Variants in TMTC2 observed in about 807,000 individuals in gnomAD.
The protein encoded by TMTC2 is transmembrane O-mannosyltransferase targeting cadherins 2, also known as protein O-mannosyl-transferase TMTC2.
A neutral mutation model predicts 82.4 loss-of-function variants in TMTC2; 43 were observed. The observed-to-expected ratio is 0.52, with a 90% CI of 0.41 to 0.67. The LOEUF (loss-of-function observed/expected upper bound fraction) is 0.67, where lower values mean the gene tolerates loss of function less well. Among genes scored for constraint, TMTC2 ranks in the 30% least tolerant of loss-of-function variants. The probability of loss-of-function intolerance (pLI) is 0.00; values close to 1 mark genes in which losing one functional copy is unlikely to be tolerated. For missense variants in TMTC2, 919 were observed against 1,012.4 expected (o/e 0.91, Z 1.25); for synonymous variants, 408 against 381.9 (o/e 1.07, Z -0.80).
intron 1 of TMTC2, among the ~76,000 whole-genome samples, chr12:82,694,792 A>G (rs1180747158): frequency 1.3e-5 from 2 of 152,150 alleles, no homozygotes; most frequent in Non-Finnish European, 2.9e-5. Context: ...AGTTAAAAAA[A>G]AAAACTGGTT....
intron 4 of TMTC2, among the ~76,000 whole-genome samples, chr12:82,933,830 T>G (rs997534932): frequency 3.1e-5 from 4 of 129,892 alleles, no homozygotes; most frequent in Non-Finnish European, 5.1e-5. Flanking sequence ...TTGGAAAATA[T>G]AAAGTAAGCA....
At chr12:82,704,637 CTT>C (rs374339612) in intron 1 of TMTC2, among the ~76,000 whole-genome samples, 3 of 141,738 alleles carry the variant, frequency 2.1e-5, no homozygotes, top group Admixed American at 7.1e-5. Context: ...ACTAATGAAT[CTT>C]TTTTTTTTTT....
intron 7 of TMTC2, among the ~76,000 whole-genome samples, chr12:82,980,676 G>A (rs1017282769): frequency 6.6e-6 from 1 of 151,768 alleles, no homozygotes; most frequent in Non-Finnish European, 1.5e-5. Flanking sequence ...AGCTTGTCTG[G>A]CAGCTTTTTA....
At chr12:82,817,550 G>A (rs1203535877) in intron 1 of TMTC2, among the ~76,000 whole-genome samples, 1 of 151,308 alleles carries the variant, frequency 6.6e-6, no homozygotes, top group Non-Finnish European at 1.5e-5. Context: ...GGAATAAAAG[G>A]ATCACTTTGT....
chr12:82,978,548 A>T (rs960870723), intron 7 of TMTC2, among the ~76,000 whole-genome samples: 3 of 151,784 alleles, frequency 2.0e-5, no homozygotes, highest in African/African-American at 7.2e-5. Context: ...GTGATCAGAG[A>T]ATATACTTGA....
At chr12:82,770,870 G>T (rs575196311) in intron 1 of TMTC2, among the ~76,000 whole-genome samples, 2 of 152,122 alleles carry the variant, frequency 1.3e-5, no homozygotes, top group Non-Finnish European at 2.9e-5. Flanking sequence ...CACAGAGCAA[G>T]TACCAAATGT....
At chr12:82,938,955 T>C (rs779576059) in intron 4 of TMTC2, among the ~76,000 whole-genome samples, 5 of 152,200 alleles carry the variant, frequency 3.3e-5, no homozygotes, top group African/African-American at 7.2e-5. Context: ...CCCCTGCATA[T>C]ATGAATCATT....
At chr12:82,953,176 T>C (rs1011784121) in intron 4 of TMTC2, among the ~76,000 whole-genome samples, 8 of 152,168 alleles carry the variant, frequency 5.3e-5, no homozygotes, top group African/African-American at 1.9e-4. Flanking sequence ...AGTGCGCTCC[T>C]TTCAGGTGAT....
chr12:82,990,396 T>C (rs1367284721), intron 8 of TMTC2, among the ~76,000 whole-genome samples: 1 of 152,308 alleles, frequency 6.6e-6, no homozygotes, highest in East Asian at 1.9e-4. Context: ...TTACAGAATT[T>C]AGAAAAGTTC....
chr12:82,825,677 A>G (rs1007037607), intron 1 of TMTC2, among the ~76,000 whole-genome samples: 1 of 152,234 alleles, frequency 6.6e-6, no homozygotes, highest in Admixed American at 6.5e-5. Flanking sequence ...ATGTATTTAC[A>G]TATGCCATAT....
At chr12:82,870,572 C>G (rs1258992063) in intron 2 of TMTC2, among the ~76,000 whole-genome samples, 2 of 152,192 alleles carry the variant, frequency 1.3e-5, no homozygotes, top group Non-Finnish European at 2.9e-5. Flanking sequence ...TGCACAAACT[C>G]AGGAGCAAAA....
chr12:82,882,027 T>C (rs938011412), intron 2 of TMTC2, among the ~76,000 whole-genome samples: 7 of 122,576 alleles, frequency 5.7e-5, no homozygotes, highest in Non-Finnish European at 1.1e-4. Context: ...TGAGACGGAG[T>C]CTCTCTCTGT....
intron 10 of TMTC2, among the ~76,000 whole-genome samples, chr12:83,060,583 C>G (rs980191833): frequency 2.0e-5 from 3 of 151,692 alleles, no homozygotes; most frequent in Non-Finnish European, 4.4e-5. Flanking sequence ...ATTGTCACAT[C>G]ATAGATATGC....
intron 10 of TMTC2, among the ~76,000 whole-genome samples, chr12:83,056,082 A>G (rs1328655805): frequency 2.6e-5 from 4 of 152,118 alleles, no homozygotes; most frequent in Non-Finnish European, 5.9e-5. Flanking sequence ...CAATTTACAG[A>G]GTAACAGATT....
At chr12:83,013,689 G>A (rs748022215) in intron 8 of TMTC2, among the ~76,000 whole-genome samples, 6 of 152,170 alleles carry the variant, frequency 3.9e-5, no homozygotes, top group Non-Finnish European at 8.8e-5. Flanking sequence ...ATAGTATTTT[G>A]AGTAACCTAA....
At chr12:83,099,221 G>C (rs976621192) in intron 11 of TMTC2, among the ~76,000 whole-genome samples, 4 of 152,228 alleles carry the variant, frequency 2.6e-5, no homozygotes, top group East Asian at 1.9e-4. Context: ...CTAACTTCTT[G>C]ATTAAAAGCC....
intron 3 of TMTC2, among the ~76,000 whole-genome samples, chr12:82,916,925 A>G (rs1875035160): frequency 1.3e-5 from 2 of 152,228 alleles, no homozygotes; most frequent in Non-Finnish European, 2.9e-5. Flanking sequence ...TGATCTTTAA[A>G]TCATAGCCAC....
At chr12:82,958,105 G>C (rs951460815) in intron 4 of TMTC2, among the ~76,000 whole-genome samples, 1 of 152,078 alleles carries the variant, frequency 6.6e-6, no homozygotes, top group Non-Finnish European at 1.5e-5. Flanking sequence ...GCTCATGCCT[G>C]TAATCTCAAT....
chr12:82,930,157 A>G (rs1221292128), intron 3 of TMTC2, among the ~76,000 whole-genome samples: 1 of 152,210 alleles, frequency 6.6e-6, no homozygotes, highest in Admixed American at 6.5e-5. Flanking sequence ...AAGCCTTTGT[A>G]GGTGATCTTA....
Sources: gnomAD v4.1 joint callset for allele counts (sites outside exome capture counted in the v4.1 genomes callset) on GRCh38, gnomAD v4.1.1 for gene constraint, MANE v1.5 for transcripts, NCBI Gene and HGNC (gene_info 2026-07-23, HGNC 2026-07-21) for gene names.